The following ADCY9 variants were observed in gnomAD, a reference collection of about 807,000 sequenced individuals.
ADCY9 encodes the protein adenylate cyclase type 9.
In ADCY9, 50 loss-of-function variants were observed where a neutral mutation model predicts 101.5. The ratio of observed to expected loss-of-function variants is 0.49; its 90% CI spans 0.39 to 0.62. The LOEUF is 0.62. ADCY9 is among the 20% of genes least tolerant of loss of function. ADCY9 has a pLI of 0.00. For missense variants in ADCY9, 1,662 were observed against 1,800.4 expected, an observed-to-expected ratio of 0.92 and a Z score of 1.39; for synonymous variants, 905 against 769.3, an observed-to-expected ratio of 1.18 and a Z score of -2.92.
At chr16:3,985,910 C>T (rs1207214815) in intron 6 of ADCY9, among the ~76,000 whole-genome samples, 5 of 152,138 alleles carry the variant, frequency 3.3e-5, no homozygotes, top group Non-Finnish European at 5.9e-5. Flanking sequence ...CCCGGGAGTG[C>T]CACCTGTCCC....
chr16:3,994,229 C>G (rs187400922), intron 3 of ADCY9, among the ~76,000 whole-genome samples: 98 of 152,246 alleles, frequency 6.4e-4, no homozygotes, highest in African/African-American at 1.9e-3. Flanking sequence ...GAAGCAGGAA[C>G]GGGTCCTCAC....
intron 2 of ADCY9, among the ~76,000 whole-genome samples, chr16:4,042,134 A>G (rs1567450313): frequency 6.6e-6 from 1 of 151,976 alleles, no homozygotes; most frequent in Admixed American, 6.6e-5. Context: ...CATGTTGGCC[A>G]GGCTGGTCTC....
At chr16:4,027,697 T>A (rs2056526336) in intron 2 of ADCY9, among the ~76,000 whole-genome samples, 1 of 152,000 alleles carries the variant, frequency 6.6e-6, no homozygotes, top group South Asian at 2.1e-4. Context: ...GCCAACATGG[T>A]GAAACCCCAT....
chr16:4,049,317 GGAGA>G (rs1484094350), intron 2 of ADCY9, among the ~76,000 whole-genome samples: 1 of 152,100 alleles, frequency 6.6e-6, no homozygotes, highest in Non-Finnish European at 1.5e-5. Flanking sequence ...TCTCTGCAGT[GGAGA>G]GAAAGTCGGA....
chr16:3,983,072 TG>T, intron 7 of ADCY9, 159 bp downstream of exon 7: 1 of 708,678 alleles, frequency 1.4e-6, no homozygotes, highest in Non-Finnish European at 2.3e-6. Context: ...GGGAGGATGC[TG>T]GGGCACAGGG....
intron 2 of ADCY9, among the ~76,000 whole-genome samples, chr16:4,104,564 GTA>G (rs1158514281): frequency 6.6e-6 from 1 of 151,776 alleles, no homozygotes; most frequent in Non-Finnish European, 1.5e-5. Context: ...GTGAGCTATG[GTA>G]GCACCACTGC....
Position 4,115,124 on chromosome 16 carries a change from G to T in ADCY9, c.319C>A (p.Arg107Ser), listed in dbSNP as rs766841271. The change falls in exon 2 of 11, where the codon CGC becomes AGC. Residue 107 changes from arginine (R) to serine (S), a missense_variant. Arg to Ser is a moderately radical substitution (Grantham distance 110). Around this residue, in one of 5 missense-constraint regions of ADCY9, gnomAD observed 422 missense variants for 392.0 expected, o/e 1.08. Coordinates refer to ENST00000294016, the MANE Select transcript of ADCY9 (RefSeq NM_001116.4). This position sits in a 1 kb window ranked among gnomAD's most constrained non-coding sequence, Gnocchi z 6.2. The part of the protein sequence containing the change: ...SVNLEEACLE[R>S]CFPQTQRRFR... ...CGGCGCTGGGTCTGCGGGAAGCAGC[G>T]CTCCAGGCAGGCCTCCTCCAGGTTC... 6.2e-7 allele frequency: 1 copy of T among 1,613,698 alleles called. No homozygotes were observed. The highest frequency in any genetic ancestry group is 1.3e-5 in the African/African-American group (1 of 74,948).
At chr16:4,104,338 T>C (rs2057062530) in intron 2 of ADCY9, among the ~76,000 whole-genome samples, 1 of 152,194 alleles carries the variant, frequency 6.6e-6, no homozygotes, top group Non-Finnish European at 1.5e-5. Context: ...GTGCATGACG[T>C]TATAAAATCA....
In ADCY9 at chr16:3,966,357, G is replaced by T. The variant is rs752586436; in HGVS notation, c.3480C>A (p.Asn1160Lys). 6.2e-7 allele frequency: 1 copy of T among 1,614,120 alleles called. No individual in the cohort carries two copies. The highest frequency in any genetic ancestry group is 1.1e-5 in the South Asian group (1 of 91,082). Residue 1160 changes from asparagine (N) to lysine (K), a missense_variant, in exon 11 of 11, where the codon AAC becomes AAA. Around this residue, in one of 5 missense-constraint regions of ADCY9, gnomAD observed 220 missense variants for 312.9 expected, o/e 0.70. Coordinates refer to ENST00000294016, the MANE Select transcript of ADCY9 (RefSeq NM_001116.4). ...DDFNNNMLWF[N>K]FKLRVGFNHG... ...GGTTGAAGCCGACGCGGAGCTTGAA[G>T]TTGAACCACAGCATGTTGTTGTTGA...
At chr16:4,041,962 C>T (rs1391378803) in intron 2 of ADCY9, among the ~76,000 whole-genome samples, 5 of 123,440 alleles carry the variant, frequency 4.1e-5, no homozygotes, top group African/African-American at 9.4e-5. Flanking sequence ...CTTGCTCTGT[C>T]GCCCAGGCTG....
At chr16:4,004,882 T>C (rs1292621792) in intron 3 of ADCY9, among the ~76,000 whole-genome samples, 1 of 152,096 alleles carries the variant, frequency 6.6e-6, no homozygotes, top group East Asian at 1.9e-4. Context: ...GTATCTCAAG[T>C]GAGCAGCAGC....
intron 2 of ADCY9, among the ~76,000 whole-genome samples, chr16:4,023,542 C>T (rs1028483326): frequency 5.9e-5 from 9 of 152,218 alleles, no homozygotes; most frequent in Admixed American, 2.0e-4. Context: ...GGCAACTGTT[C>T]CCGATGCAGA....
At chr16:4,047,958 C>T (rs999666004) in intron 2 of ADCY9, among the ~76,000 whole-genome samples, 7 of 152,162 alleles carry the variant, frequency 4.6e-5, no homozygotes, top group African/African-American at 1.7e-4. Context: ...GGGAGTGAGC[C>T]CTGGAGGTTC....
intron 10 of ADCY9, among the ~76,000 whole-genome samples, chr16:3,970,538 G>C (rs549823084): frequency 2.7e-3 from 406 of 152,180 alleles, no homozygotes; most frequent in Non-Finnish European, 4.4e-3. Context: ...ATGTTGACCA[G>C]GTTGGTCTGG....
At position 3,983,309 on chromosome 16, in the gene ADCY9, C is replaced by T. The variant is rs1411550674; in HGVS notation, c.2442G>A (p.Val814=). 6.4e-7 allele frequency: 1 copy of T among 1,567,596 alleles called. No homozygotes were observed. Residue 814 remains valine, a synonymous_variant, in exon 7 of 11, where the codon GTG becomes GTA. Transcript: ENST00000294016. ...TCFLKYEAAT[V]PPPPAALAVF... The stretch of plus-strand genomic sequence containing the variant: ...CCGCCAGGGCGGCGGGCGGGGGAGG[C>T]ACGGTGGCCGCCTCGTACTTCAGGA...
chr16:3,954,031 C>G (rs552074501), intron 5 of ADCY9, among the ~76,000 whole-genome samples: 6 of 152,326 alleles, frequency 3.9e-5, no homozygotes, highest in African/African-American at 2.4e-5. Flanking sequence ...GTGAAACTGA[C>G]TCAGGATTTC....
chr16:4,038,966 C>T (rs952616085), intron 2 of ADCY9, among the ~76,000 whole-genome samples: 4 of 152,170 alleles, frequency 2.6e-5, no homozygotes, highest in African/African-American at 9.7e-5. Flanking sequence ...CTCTGAAACT[C>T]GTAATGCTTG....
rs78843654 is a variant in ADCY9, at chr16:3,954,180, T to C, written c.568-664A>G. 4.1e-4 allele frequency among the ~76,000 whole-genome samples: 63 copies of C among 152,312 alleles called. No homozygotes were observed. In the East Asian group the frequency reaches 0.011, roughly 26 times the overall value. ...GCACCCCGTCCAGTGGCTTCTGACA[T>C]GCAGAGCTGCAGGACGGGCGTCGCT... On this transcript the variant is annotated intron_variant, in intron 5 of 5. Coordinates refer to the ADCY9 transcript ENST00000576936.
intron 2 of ADCY9, among the ~76,000 whole-genome samples, chr16:4,017,549 C>T (rs1197805592): frequency 1.3e-5 from 2 of 149,964 alleles, no homozygotes; most frequent in African/African-American, 4.9e-5. Context: ...GAGGCTGAGG[C>T]AGGAGGATCA....
Sources: allele counts gnomAD v4.1 joint callset (sites outside exome capture counted in the v4.1 genomes callset), GRCh38; gene constraint gnomAD v4.1.1; regional missense constraint gnomAD v4.1.1; non-coding constraint Gnocchi (gnomAD v3.1); transcripts MANE v1.5; gene names NCBI Gene and HGNC (gene_info 2026-07-23, HGNC 2026-07-21).